NTM: variants seen among roughly 807,000 people sequenced by gnomAD.
NTM encodes the protein IgLON family member 2.
NTM carries 13 observed loss-of-function variants against 42.1 expected under a neutral mutation model. The ratio of observed to expected loss-of-function variants is 0.31; its 90% CI spans 0.20 to 0.49. The LOEUF (loss-of-function observed/expected upper bound fraction) is 0.49, where lower values mean the gene tolerates loss of function less well. NTM is among the 20% of genes least tolerant of loss of function. The pLI, the probability that NTM is intolerant of heterozygous loss-of-function variation, is 0.99. For missense variants in NTM, 373 were observed against 452.8 expected, an observed-to-expected ratio of 0.82 and a Z score of 1.60; for synonymous variants, 187 against 179.2, an observed-to-expected ratio of 1.04 and a Z score of -0.35.
At chr11:131,973,268 A>G (rs778797139) in intron 2 of NTM, among the ~76,000 whole-genome samples, 3 of 152,214 alleles carry the variant, frequency 2.0e-5, no homozygotes, top group Non-Finnish European at 4.4e-5. Flanking sequence ...CAGAGGGGGA[A>G]GTTGAGCACA....
At chr11:131,812,515 TC>T (rs1285322930) in intron 1 of NTM, among the ~76,000 whole-genome samples, 6 of 151,566 alleles carry the variant, frequency 4.0e-5, no homozygotes, top group Non-Finnish European at 1.5e-5. Flanking sequence ...CCTTTCCTCC[TC>T]CATACAATGT....
At chr11:131,876,583 T>C (rs1362986880) in intron 1 of NTM, among the ~76,000 whole-genome samples, 1 of 152,188 alleles carries the variant, frequency 6.6e-6, no homozygotes, top group African/African-American at 2.4e-5. Context: ...CAAAAGCAGG[T>C]CAAATTCTGC....
intron 1 of NTM, among the ~76,000 whole-genome samples, chr11:131,446,994 T>C (rs1288805883): frequency 6.6e-6 from 1 of 151,960 alleles, no homozygotes. Context: ...AAGATAGAAA[T>C]GGAATATGCA....
At chr11:131,514,253 C>A (rs1197107929) in intron 1 of NTM, among the ~76,000 whole-genome samples, 1 of 152,120 alleles carries the variant, frequency 6.6e-6, no homozygotes, top group African/African-American at 2.4e-5. Flanking sequence ...TTTTTAAGTT[C>A]TCAAGTTCCT....
At chr11:131,497,735 T>C (rs1955503691) in intron 1 of NTM, among the ~76,000 whole-genome samples, 1 of 152,180 alleles carries the variant, frequency 6.6e-6, no homozygotes, top group Non-Finnish European at 1.5e-5. Flanking sequence ...TATGTTCAGC[T>C]TCCCTGTTCT....
intron 1 of NTM, among the ~76,000 whole-genome samples, chr11:131,718,826 G>A (rs1178308017): frequency 6.6e-6 from 1 of 152,106 alleles, no homozygotes; most frequent in African/African-American, 2.4e-5. Flanking sequence ...ACCACTCCTG[G>A]AAATGCTCTC....
chr11:131,809,751 G>A (rs866170219), intron 1 of NTM, among the ~76,000 whole-genome samples: 12 of 152,058 alleles, frequency 7.9e-5, no homozygotes, highest in Non-Finnish European at 1.0e-4. Context: ...ATAAATCTTC[G>A]GCTTCCCCCT....
At chr11:131,627,041 C>T (rs181710707) in intron 1 of NTM, among the ~76,000 whole-genome samples, 82 of 152,254 alleles carry the variant, frequency 5.4e-4, no homozygotes, top group Admixed American at 1.9e-3. Flanking sequence ...GTTGCTCCAG[C>T]GGGCTCAGGC....
At chr11:131,717,787 G>C (rs984382038) in intron 1 of NTM, among the ~76,000 whole-genome samples, 1 of 152,130 alleles carries the variant, frequency 6.6e-6, no homozygotes, top group Admixed American at 6.6e-5. Flanking sequence ...TTCTTGTCTT[G>C]TTCCTGATTT....
chr11:132,294,911 C>A (rs929096036), intron 4 of NTM, among the ~76,000 whole-genome samples: 1 of 152,142 alleles, frequency 6.6e-6, no homozygotes, highest in Non-Finnish European at 1.5e-5. Flanking sequence ...TATTAGGGCA[C>A]ACTGCATGCC....
chr11:132,181,138 T>C (rs1486465004), intron 3 of NTM, among the ~76,000 whole-genome samples: 1 of 152,202 alleles, frequency 6.6e-6, no homozygotes, highest in African/African-American at 2.4e-5. Context: ...TCCTTACTGA[T>C]GATACTTTCT....
intron 4 of NTM, among the ~76,000 whole-genome samples, chr11:132,235,772 C>A (rs530542247): frequency 2.6e-5 from 4 of 152,148 alleles, no homozygotes; most frequent in East Asian, 3.9e-4. Context: ...TAAAAGTGAA[C>A]CCCCTGGGAA....
chr11:132,137,154 C>T (rs1032693392), intron 2 of NTM, among the ~76,000 whole-genome samples: 1 of 152,228 alleles, frequency 6.6e-6, no homozygotes, highest in Non-Finnish European at 1.5e-5. Context: ...GGACAACTGC[C>T]AGGCTGGCCT....
chr11:132,011,026 TG>T (rs1282962340), intron 2 of NTM, among the ~76,000 whole-genome samples: 5 of 151,466 alleles, frequency 3.3e-5, no homozygotes, highest in Admixed American at 3.3e-4. Flanking sequence ...ATTATCACAA[TG>T]TATGCTCTGT....
chr11:132,183,240 C>T (rs1158231205), intron 3 of NTM, among the ~76,000 whole-genome samples: 4 of 152,130 alleles, frequency 2.6e-5, no homozygotes, highest in Non-Finnish European at 5.9e-5. Flanking sequence ...TCTTCAAGGA[C>T]CCAGAAACCT....
At chr11:131,874,065 A>ACATATATATATATC (rs1414611266) in intron 1 of NTM, among the ~76,000 whole-genome samples, 3 of 60,196 alleles carry the variant, frequency 5.0e-5, no homozygotes, top group African/African-American at 1.3e-4. Flanking sequence ...ATATATATAT[A>ACATATATATATATC]TATCAGCAAC....
chr11:131,493,529 A>G (rs2136309653), intron 1 of NTM, among the ~76,000 whole-genome samples: 1 of 152,264 alleles, frequency 6.6e-6, no homozygotes, highest in Non-Finnish European at 1.5e-5. Flanking sequence ...ATTTTTCTTC[A>G]GCTCCTGAAT....
chr11:131,947,541 G>T (rs2060481624), intron 2 of NTM, among the ~76,000 whole-genome samples: 1 of 152,208 alleles, frequency 6.6e-6, no homozygotes, highest in Non-Finnish European at 1.5e-5. Context: ...AGAAAGGAAG[G>T]CAGGGAGGTG....
chr11:132,179,739 G>A (rs959188900), intron 3 of NTM, among the ~76,000 whole-genome samples: 1 of 152,152 alleles, frequency 6.6e-6, no homozygotes, highest in Non-Finnish European at 1.5e-5. Flanking sequence ...TGATGATGCA[G>A]GAGATACCAA....
Sources: allele counts gnomAD v4.1 joint callset (sites outside exome capture counted in the v4.1 genomes callset), GRCh38; gene constraint gnomAD v4.1.1; transcripts MANE v1.5; gene names NCBI Gene and HGNC (gene_info 2026-07-23, HGNC 2026-07-21).